AGAP1: variants seen among roughly 807,000 people sequenced by gnomAD.
AGAP1 encodes ArfGAP with GTPase domain, ankyrin repeat and PH domain 1, also known as arf-GAP with GTPase, ANK repeat and PH domain-containing protein 1.
A neutral mutation model predicts 105.3 loss-of-function variants in AGAP1; 29 were observed. The observed-to-expected ratio is 0.28, with a 90% CI of 0.21 to 0.38. The LOEUF (loss-of-function observed/expected upper bound fraction) is 0.38, where lower values mean the gene tolerates loss of function less well. Ranked by LOEUF, AGAP1 falls within the 10% of genes least tolerant of loss-of-function variation. AGAP1 has a pLI of 1.00. For synonymous variants in AGAP1, 509 were observed against 485.9 expected, an observed-to-expected ratio of 1.05 and a Z score of -0.63; for missense variants, 998 against 1,165.1, an observed-to-expected ratio of 0.86 and a Z score of 2.09.
At chr2:235,525,263 T>A (rs1942783909) in intron 1 of AGAP1, among the ~76,000 whole-genome samples, 1 of 151,542 alleles carries the variant, frequency 6.6e-6, no homozygotes, top group African/African-American at 2.4e-5. Context: ...TGACACATAA[T>A]GTGGAGGACT....
intron 1 of AGAP1, among the ~76,000 whole-genome samples, chr2:235,618,217 C>A (rs1415927040): frequency 6.6e-6 from 1 of 152,136 alleles, no homozygotes; most frequent in African/African-American, 2.4e-5. Context: ...TTTATTTTGA[C>A]TCAGAGCTCC....
chr2:235,827,201 G>A (rs187950051), intron 9 of AGAP1, among the ~76,000 whole-genome samples: 28 of 152,276 alleles, frequency 1.8e-4, no homozygotes, highest in Admixed American at 1.2e-3. Context: ...CATGCATCAC[G>A]TGTTTGAATA....
intron 11 of AGAP1, among the ~76,000 whole-genome samples, chr2:235,925,545 A>G (rs746207591): frequency 3.9e-5 from 6 of 152,164 alleles, no homozygotes; most frequent in African/African-American, 7.2e-5. Flanking sequence ...CTCTATTTCT[A>G]TTAGCCTTCC....
chr2:235,823,458 C>T lies in AGAP1; in HGVS notation c.1050+16127C>T, dbSNP rs372588562. ...GCTCTAGAGTGCTTTTCCCTGTGCTCGCACCAGAATTACAGTGAACTGCCC... is the reference window on the plus strand; with the variant it reads ...GCTCTAGAGTGCTTTTCCCTGTGCTTGCACCAGAATTACAGTGAACTGCCC... On this transcript the variant is annotated intron_variant, in intron 9 of 17. Coordinates refer to ENST00000304032, the MANE Select transcript of AGAP1 (RefSeq NM_001037131.3). Among the ~76,000 whole-genome samples, 9 of 152,128 alleles carry T rather than the reference C, an allele frequency of 5.9e-5. No individual in the cohort carries two copies. In the South Asian group the frequency reaches 6.2e-4, roughly 11 times the overall value.
intron 13 of AGAP1, among the ~76,000 whole-genome samples, chr2:236,034,145 T>C (rs1228064392): frequency 6.6e-6 from 1 of 152,090 alleles, no homozygotes; most frequent in Non-Finnish European, 1.5e-5. Context: ...TGAGAATCTG[T>C]ATGGAAAAGG....
At chr2:236,057,947 C>T (rs1305492915) in intron 16 of AGAP1, among the ~76,000 whole-genome samples, 1 of 152,144 alleles carries the variant, frequency 6.6e-6, no homozygotes, top group East Asian at 1.9e-4. Flanking sequence ...GGTCCATGCC[C>T]TCCCCGGGGG....
At chr2:235,656,623 C>T (rs1229039488) in intron 1 of AGAP1, among the ~76,000 whole-genome samples, 1 of 152,090 alleles carries the variant, frequency 6.6e-6, no homozygotes, top group East Asian at 1.9e-4. Context: ...TTAGCCTGTG[C>T]GGTCTAACCC....
At chr2:235,800,997 C>T (rs931130875) in intron 8 of AGAP1, among the ~76,000 whole-genome samples, 1 of 152,172 alleles carries the variant, frequency 6.6e-6, no homozygotes, top group Non-Finnish European at 1.5e-5. Context: ...GCGATTCCTG[C>T]CAAGTCTGGG....
intron 9 of AGAP1, among the ~76,000 whole-genome samples, chr2:235,881,238 C>A (rs1415022653): frequency 6.6e-6 from 1 of 152,078 alleles, no homozygotes; most frequent in African/African-American, 2.4e-5. Context: ...TGGACTTGAA[C>A]TCAATTATAT....
intron 1 of AGAP1, among the ~76,000 whole-genome samples, chr2:235,547,428 G>A (rs1042576162): frequency 2.7e-5 from 4 of 148,390 alleles, no homozygotes; most frequent in South Asian, 2.1e-4. Flanking sequence ...GTGCGATCTC[G>A]GCTCACTGCA....
In AGAP1 at chr2:235,578,868, G is replaced by T. The variant is rs1227531878; in HGVS notation, c.163+84019G>T. 6.6e-6 allele frequency among the ~76,000 whole-genome samples: 1 copy of T among 151,778 alleles called. No homozygotes were observed. The highest frequency in any genetic ancestry group is 1.9e-4 in the East Asian group (1 of 5,176). On this transcript the variant is annotated intron_variant, in intron 1 of 17. Coordinates refer to ENST00000304032, the MANE Select transcript of AGAP1 (RefSeq NM_001037131.3). The surrounding 1 kb of genome is among the most constrained non-coding windows in gnomAD (Gnocchi z 4.9). The stretch of plus-strand genomic sequence containing the variant: ...AGCCCAATAGTTTTTCACTGTTGAG[G>T]GTCAAAATTTTACCTTTGTCTACCT...
intron 16 of AGAP1, among the ~76,000 whole-genome samples, chr2:236,074,926 G>A (rs1255879513): frequency 2.6e-5 from 4 of 152,146 alleles, no homozygotes; most frequent in South Asian, 2.1e-4. Context: ...ATGGTTGCAC[G>A]CGTGTAGTCC....
In AGAP1 at chr2:236,113,905, G is replaced by A. The variant is rs2059710260; in HGVS notation, c.2115-6287G>A. Among the ~76,000 whole-genome samples the A allele has an allele frequency of 6.6e-6, 1 of 152,170 alleles. No individual in the cohort carries two copies. Among genetic ancestry groups the A allele is most frequent in the East Asian group, 1.9e-4 (1 of 5,192 alleles). On this transcript the variant is annotated intron_variant, in intron 16 of 17. Transcript: ENST00000304032. The surrounding 1 kb of genome is among the most constrained non-coding windows in gnomAD (Gnocchi z 4.3). ...TTACCTCTTCTTTTAGGCAGGAAGAGAAGCAAATATAAAATACGATGGCGC... is the reference window on the plus strand; with the variant it reads ...TTACCTCTTCTTTTAGGCAGGAAGAAAAGCAAATATAAAATACGATGGCGC...
chr2:235,702,381 G>A (rs910065327), intron 1 of AGAP1, among the ~76,000 whole-genome samples: 3 of 152,216 alleles, frequency 2.0e-5, no homozygotes, highest in Non-Finnish European at 2.9e-5. Context: ...GAGGAAGGAC[G>A]CAGTGGAGGC....
At chr2:235,985,202 A>G (rs1046683027) in intron 13 of AGAP1, among the ~76,000 whole-genome samples, 3 of 152,322 alleles carry the variant, frequency 2.0e-5, no homozygotes, top group Middle Eastern at 3.4e-3. Context: ...TCTGATGATC[A>G]GTGAGTTGAG....
chr2:236,126,072 C>G lies in AGAP1; in HGVS notation c.*1950C>G, dbSNP rs2060000422. ...AAAGTAGGTGGGGAAAAAAATAAAGCTTTACACAGAATTTATATGTGGGTA... is the reference window on the plus strand; with the variant it reads ...AAAGTAGGTGGGGAAAAAAATAAAGGTTTACACAGAATTTATATGTGGGTA... On this transcript the variant is annotated 3_prime_UTR_variant, in exon 18 of 18. Transcript: ENST00000304032. The G allele has an allele frequency of 1.3e-5, 2 of 152,052 alleles. No individual in the cohort carries two copies. The highest frequency in any genetic ancestry group is 1.9e-4 in the East Asian group (1 of 5,202). The allele number at this position is 152,052 out of a possible 1,614,324, so 9.4% of individuals were successfully genotyped here.
chr2:235,875,689 G>A lies in AGAP1; in HGVS notation c.1051-7656G>A, dbSNP rs73996608. The stretch of plus-strand genomic sequence containing the variant: ...TCCCATCTGCATTTGCTTATGGGGC[G>A]CCATGACACCAACACATGGAGCCAC... On this transcript the variant is annotated intron_variant, in intron 9 of 17. Coordinates refer to ENST00000304032, the MANE Select transcript of AGAP1 (RefSeq NM_001037131.3). This position sits in a 1 kb window ranked among gnomAD's most constrained non-coding sequence, Gnocchi z 4.0. Among the ~76,000 whole-genome samples, 1,086 of 152,204 alleles carry A rather than the reference G, an allele frequency of 7.1e-3. 8 individuals carry two copies. Among genetic ancestry groups the A allele is most frequent in the African/African-American group, 0.025 (1,027 of 41,532 alleles).
Position 235,549,904 on chromosome 2 carries a change from A to G in AGAP1, c.163+55055A>G, listed in dbSNP as rs1344612720. Among the ~76,000 whole-genome samples, 3 of 152,094 alleles carry G rather than the reference A, an allele frequency of 2.0e-5. No homozygotes were observed. The highest frequency in any genetic ancestry group is 7.2e-5 in the African/African-American group (3 of 41,430). ...CCCTGCGCAGGTGGAGGGTGATGAGAGGCTGGGGACGTTTTCGGATGACCA... is the reference window on the plus strand; with the variant it reads ...CCCTGCGCAGGTGGAGGGTGATGAGGGGCTGGGGACGTTTTCGGATGACCA... On this transcript the variant is annotated intron_variant, in intron 1 of 17. Coordinates refer to ENST00000304032, the MANE Select transcript of AGAP1 (RefSeq NM_001037131.3). This position sits in a 1 kb window ranked among gnomAD's most constrained non-coding sequence, Gnocchi z 4.2.
chr2:236,054,592 G>A (rs193014786), intron 16 of AGAP1, among the ~76,000 whole-genome samples: 1 of 151,824 alleles, frequency 6.6e-6, no homozygotes, highest in East Asian at 1.9e-4. Flanking sequence ...CTCCCCACAT[G>A]TCACTTTCCT....
Sources: gnomAD v4.1 joint callset for allele counts (sites outside exome capture counted in the v4.1 genomes callset) on GRCh38, gnomAD v4.1.1 for gene constraint, Gnocchi (gnomAD v3.1) non-coding constraint, MANE v1.5 for transcripts, NCBI Gene and HGNC (gene_info 2026-07-23, HGNC 2026-07-21) for gene names.